SPTBN1: variants seen among roughly 807,000 people sequenced by gnomAD.
SPTBN1 encodes the protein spectrin beta, non-erythrocytic 1, also known as spectrin beta chain, non-erythrocytic 1.
In SPTBN1, 32 loss-of-function variants were observed where a neutral mutation model predicts 266.4. The ratio of observed to expected loss-of-function variants is 0.12; its 90% CI spans 0.09 to 0.16. SPTBN1 has a LOEUF of 0.16. SPTBN1 is among the 10% of genes least tolerant of loss of function. The pLI, the probability that SPTBN1 is intolerant of heterozygous loss-of-function variation, is 1.00. For missense variants in SPTBN1, 2,296 were observed against 3,067.1 expected, an observed-to-expected ratio of 0.75 and a Z score of 5.94; for synonymous variants, 1,336 against 1,162.2, an observed-to-expected ratio of 1.15 and a Z score of -3.04.
intron 1 of SPTBN1, among the ~76,000 whole-genome samples, chr2:54,462,939 A>C (rs1693440839): frequency 6.6e-6 from 1 of 152,202 alleles, no homozygotes; most frequent in African/African-American, 2.4e-5. Flanking sequence ...AGTAACTACC[A>C]CTCGATTAAA....
chr2:54,644,891 A>G (rs1360252655), intron 20 of SPTBN1, among the ~76,000 whole-genome samples: 3 of 152,202 alleles, frequency 2.0e-5, no homozygotes, highest in Non-Finnish European at 4.4e-5. Flanking sequence ...ATCTCATTCA[A>G]TTCTGCATTT....
chr2:54,600,951 T>C (rs1413406003), intron 3 of SPTBN1, among the ~76,000 whole-genome samples: 1 of 152,142 alleles, frequency 6.6e-6, no homozygotes, highest in Non-Finnish European at 1.5e-5. Context: ...AATGTCCACA[T>C]CATAAATGGG....
chr2:54,590,900 G>T (rs1184012386), intron 2 of SPTBN1, among the ~76,000 whole-genome samples: 1 of 152,162 alleles, frequency 6.6e-6, no homozygotes, highest in African/African-American at 2.4e-5. Flanking sequence ...CTGCAACTTT[G>T]AAAAACCACT....
chr2:54,501,725 C>G (rs1393404260), intron 1 of SPTBN1, among the ~76,000 whole-genome samples: 1 of 152,066 alleles, frequency 6.6e-6, no homozygotes, highest in African/African-American at 2.4e-5. Flanking sequence ...GGAGGTGGTA[C>G]CTGGATGCCC....
intron 1 of SPTBN1, among the ~76,000 whole-genome samples, chr2:54,512,268 T>G (rs1381135931): frequency 9.2e-5 from 14 of 152,244 alleles, no homozygotes; most frequent in Non-Finnish European, 1.5e-4. Context: ...TTTCTAGGAT[T>G]GATATTCTCT....
intron 32 of SPTBN1, chr2:54,663,430 C>A (rs971362204): frequency 6.6e-6 from 1 of 152,168 alleles, no homozygotes; most frequent in Non-Finnish European, 1.5e-5. Flanking sequence ...GGGGCTGCTA[C>A]AGTTAATGGT....
At chr2:54,543,105 A>G (rs1672029698) in intron 2 of SPTBN1, among the ~76,000 whole-genome samples, 2 of 152,150 alleles carry the variant, frequency 1.3e-5, no homozygotes, top group African/African-American at 4.8e-5. Context: ...AGGACTGTCC[A>G]TCTCGGGGCT....
intron 17 of SPTBN1, among the ~76,000 whole-genome samples, chr2:54,634,459 AT>A (rs1167371922): frequency 6.6e-6 from 1 of 152,222 alleles, no homozygotes; most frequent in African/African-American, 2.4e-5. Flanking sequence ...AATAAGCATA[AT>A]AAAGATGGAA....
chr2:54,665,793 G>T, intron 33 of SPTBN1, 122 bp from the exon 34 acceptor site: 2 of 1,155,454 alleles, frequency 1.7e-6, no homozygotes, highest in Admixed American at 2.5e-5. Context: ...GAAGGTTGAG[G>T]GTTGGGTGGG....
chr2:54,650,556 A>C (rs1680206178), intron 26 of SPTBN1, among the ~76,000 whole-genome samples: 1 of 152,186 alleles, frequency 6.6e-6, no homozygotes, highest in African/African-American at 2.4e-5. Flanking sequence ...TAGTTGAAAA[A>C]CAAATTGTAT....
chr2:54,530,964 A>G (rs1671200498), intron 2 of SPTBN1, among the ~76,000 whole-genome samples: 1 of 152,148 alleles, frequency 6.6e-6, no homozygotes, highest in African/African-American at 2.4e-5. Context: ...AGAGAATTGG[A>G]ACTTTCAGCA....
intron 1 of SPTBN1, among the ~76,000 whole-genome samples, chr2:54,485,790 G>C (rs1480844022): frequency 1.3e-5 from 2 of 149,784 alleles, no homozygotes; most frequent in African/African-American, 4.9e-5. Context: ...AGTGAGGAGC[G>C]TCTCTGCCCG....
At chr2:54,518,454 T>TTA (rs1553438435) in intron 1 of SPTBN1, among the ~76,000 whole-genome samples, 4 of 143,712 alleles carry the variant, frequency 2.8e-5, no homozygotes, top group South Asian at 2.3e-4. Context: ...AAAGTATAAT[T>TTA]AAAAAAAAAA....
chr2:54,595,690 G>T (rs1676031151), intron 2 of SPTBN1, among the ~76,000 whole-genome samples: 1 of 152,198 alleles, frequency 6.6e-6, no homozygotes, highest in Admixed American at 6.5e-5. Context: ...AATGATGAAA[G>T]AATAGCAACC....
At chr2:54,644,711 A>C in intron 20 of SPTBN1, 125 bp downstream of exon 20, 1 of 1,267,278 alleles carries the variant, frequency 7.9e-7, no homozygotes, top group Non-Finnish European at 1.1e-6. Context: ...TTTAACCCAA[A>C]ATATTACTTG....
chr2:54,625,585 GGTTTTGTTTTT>G (rs937667171), intron 11 of SPTBN1, among the ~76,000 whole-genome samples: 13 of 151,828 alleles, frequency 8.6e-5, no homozygotes, highest in East Asian at 1.9e-4. Flanking sequence ...TAGGTTTTTT[GGTTTTGTTTTT>G]GTTTTGTTTT....
intron 2 of SPTBN1, among the ~76,000 whole-genome samples, chr2:54,587,974 G>A (rs1328404664): frequency 1.3e-5 from 2 of 152,206 alleles, no homozygotes; most frequent in Admixed American, 6.5e-5. Context: ...AGTACCCAGT[G>A]TGGTGCCTTG....
intron 1 of SPTBN1, among the ~76,000 whole-genome samples, chr2:54,458,748 T>G (rs1371872514): frequency 2.6e-5 from 4 of 152,208 alleles, no homozygotes; most frequent in Admixed American, 1.3e-4. Flanking sequence ...ATGGGATATA[T>G]TTCAAATGTC....
rs557237167 is a variant in SPTBN1 at position 54,558,335 on chromosome 2, A to T, written c.148+31769A>T. 7 of 995,508 alleles carry T rather than the reference A, an allele frequency of 7.0e-6. No individual in the cohort carries two copies. Among genetic ancestry groups the T allele is most frequent in the African/African-American group, 5.2e-5 (3 of 57,416 alleles). 61.7% of individuals were successfully genotyped at this position (995,508 alleles called of 1,614,324 possible). A position where few individuals can be genotyped will look rare whatever the true frequency, so the allele number is the denominator to read the frequency against. The stretch of plus-strand genomic sequence containing the variant: ...ATCAGGTGACATCACCGCCCAGCAC[A>T]CGGCGAGTGGCTCCTGATAAAATTA... On this transcript the variant is annotated intron_variant, in intron 2 of 35. Coordinates refer to ENST00000356805, the MANE Select transcript of SPTBN1 (RefSeq NM_003128.3). This position sits in a 1 kb window ranked among gnomAD's most constrained non-coding sequence, Gnocchi z 4.6.
Sources: allele counts gnomAD v4.1 joint callset (sites outside exome capture counted in the v4.1 genomes callset), GRCh38; gene constraint gnomAD v4.1.1; non-coding constraint Gnocchi (gnomAD v3.1); transcripts MANE v1.5; gene names NCBI Gene and HGNC (gene_info 2026-07-23, HGNC 2026-07-21).